The following ZNF689 variants were observed in gnomAD, a reference collection of about 807,000 sequenced individuals.
The protein encoded by ZNF689 is short ORF-encoded histone-binding protein.
Under a neutral mutation model 37.2 loss-of-function variants are expected in ZNF689, and 14 were observed. The observed-to-expected ratio is 0.38, with a 90% CI of 0.25 to 0.59. The LOEUF is 0.59. Among genes scored for constraint, ZNF689 ranks in the 20% least tolerant of loss-of-function variants. The pLI is 0.68. For synonymous variants in ZNF689, 277 were observed against 283.3 expected, an observed-to-expected ratio of 0.98 and a Z score of 0.22; for missense variants, 573 against 700.2, an observed-to-expected ratio of 0.82 and a Z score of 2.05.
chr16:30,607,446 C>T (rs1407473329), intron 2 of ZNF689, among the ~76,000 whole-genome samples: 2 of 150,590 alleles, frequency 1.3e-5, no homozygotes, highest in Non-Finnish European at 3.0e-5. Context: ...CAAAAATTAG[C>T]CGTGCATGCT....
At chr16:30,606,861 T>C (rs1215086541) in intron 2 of ZNF689, among the ~76,000 whole-genome samples, 2 of 152,180 alleles carry the variant, frequency 1.3e-5, no homozygotes, top group African/African-American at 2.4e-5. Flanking sequence ...TTTCACTTAA[T>C]ATATTCTAAA....
At chr16:30,606,032 C>T (rs192929092) in intron 2 of ZNF689, among the ~76,000 whole-genome samples, 2 of 152,112 alleles carry the variant, frequency 1.3e-5, no homozygotes, top group Non-Finnish European at 2.9e-5. Context: ...GGCATGGTTG[C>T]TCATGCCTGT....
chr16:30,607,143 A>G (rs2052043513), intron 2 of ZNF689, among the ~76,000 whole-genome samples: 1 of 147,722 alleles, frequency 6.8e-6, no homozygotes, highest in Non-Finnish European at 1.5e-5. Context: ...CCAGCTACCC[A>G]GAGGCTGAGG....
chr16:30,610,686 C>G (rs1329852950), upstream of ZNF689: 1 of 152,378 alleles, frequency 6.6e-6, no homozygotes, highest in African/African-American at 2.4e-5. Flanking sequence ...GATGGAGCCA[C>G]TCTGGCCGAG....
In ZNF689 at chr16:30,604,471, G is replaced by T. The variant is rs779691783; in HGVS notation, c.1296C>A (p.Asp432Glu). ...ACTGAGCAAAACGCTTGGAGCAAAGGTCGCAGGCATAGGGCCGCTCGCCCG... is the reference window on the plus strand; with the variant it reads ...ACTGAGCAAAACGCTTGGAGCAAAGTTCGCAGGCATAGGGCCGCTCGCCCG... Reference protein sequence around the residue: ...VHSGERPYACDLCSKRFAQWS... With the variant: ...VHSGERPYACELCSKRFAQWS... Residue 432 changes from aspartate to glutamate, a missense_variant, in exon 3 of 3, where the codon GAC becomes GAA. This residue lies in a region of ZNF689 where 317 missense variants were observed against 367.1 expected (regional missense o/e 0.86). Transcript: ENST00000287461. This position sits in a 1 kb window ranked among gnomAD's most constrained non-coding sequence, Gnocchi z 5.2. 6.2e-7 allele frequency: 1 copy of T among 1,609,348 alleles called. No homozygotes were observed. The highest frequency in any genetic ancestry group is 1.1e-5 in the South Asian group (1 of 90,528).
rs2052024696 is a variant in ZNF689 at position 30,605,252 on chromosome 16, T to C, written c.515A>G (p.Asn172Ser). Reference sequence around the variant, plus strand: ...TGGGCAAGGGTAAGGCTTTTTTAGATTCTGGGCGCACTTGTGGCTCTCCAG... The same window carrying C: ...TGGGCAAGGGTAAGGCTTTTTTAGACTCTGGGCGCACTTGTGGCTCTCCAG... ...QALESHKCAQ[N>S]LKKPYPCPDC... is the part of the protein sequence containing the mutation. Residue 172 changes from asparagine to serine, a missense_variant, in exon 3 of 3, where the codon AAT becomes AGT. Coordinates refer to ENST00000287461, the MANE Select transcript of ZNF689 (RefSeq NM_138447.3). The surrounding 1 kb of genome is among the most constrained non-coding windows in gnomAD (Gnocchi z 5.1). 1 of 1,612,054 alleles carries C rather than the reference T, an allele frequency of 6.2e-7. No homozygotes were observed. Among genetic ancestry groups the C allele is most frequent in the African/African-American group, 1.3e-5 (1 of 74,920 alleles).
In ZNF689 at chr16:30,609,979, T is replaced by C; in HGVS notation, c.63A>G (p.Lys21=). 6 of 1,611,438 alleles carry C rather than the reference T, an allele frequency of 3.7e-6. No individual in the cohort carries two copies. Among genetic ancestry groups the C allele is most frequent in the Non-Finnish European group, 5.1e-6 (6 of 1,179,286 alleles). ...TCAGAGCCCTCGGCCTCCTGCCCCT[T>C]TTCCGACTGGGTCTGGCCTTTCCTG... ...QGPGKARPSR[K]RGRRPRALKF... is the part of the protein sequence containing the mutation. Residue 21 remains lysine, a synonymous_variant, in exon 1 of 3, where the codon AAA becomes AAG. Coordinates refer to ENST00000287461, the MANE Select transcript of ZNF689 (RefSeq NM_138447.3).
chr16:30,604,989 G>A lies in ZNF689; in HGVS notation c.778C>T (p.Pro260Ser). The A allele has an allele frequency of 6.3e-7, 1 of 1,598,754 alleles. No homozygotes were observed. Among genetic ancestry groups the A allele is most frequent in the Non-Finnish European group, 8.5e-7 (1 of 1,171,248 alleles). Residue 260 changes from proline (P) to serine (S), a missense_variant, in exon 3 of 3, where the codon CCC (proline) becomes TCC (serine). This residue lies in a region of ZNF689 where 317 missense variants were observed against 367.1 expected (regional missense o/e 0.86). Coordinates refer to ENST00000287461, the MANE Select transcript of ZNF689 (RefSeq NM_138447.3). The surrounding 1 kb of genome is among the most constrained non-coding windows in gnomAD (Gnocchi z 5.2). The part of the protein sequence containing the change: ...NHRTTHTGEK[P>S]HQCPSCGRRF... ...CGTCCACAGCTAGGGCACTGGTGGG[G>A]TTTTTCACCTGTGTGTGTGGTCCGG...
At position 30,604,925 on chromosome 16, in the gene ZNF689, C is replaced by G; in HGVS notation, c.842G>C (p.Arg281Pro). 6.3e-7 allele frequency: 1 copy of G among 1,574,946 alleles called. No homozygotes were observed. ...GTAGGGCTTCTCTCCCGTGTGTGTA[C>G]GCTGGTGGATGGCTAGCAGGGAGGG... The part of the protein sequence containing the change: ...AYPSLLAIHQ[R>P]THTGEKPYTC... Residue 281 changes from arginine to proline, a missense_variant, in exon 3 of 3, where the codon CGT becomes CCT. Around this residue, in one of 3 missense-constraint regions of ZNF689, gnomAD observed 317 missense variants for 367.1 expected, o/e 0.86. Coordinates refer to ENST00000287461, the MANE Select transcript of ZNF689 (RefSeq NM_138447.3). The surrounding 1 kb of genome is among the most constrained non-coding windows in gnomAD (Gnocchi z 5.2).
rs534407302 is a variant in ZNF689, at chr16:30,605,411, A to G, written c.356T>C (p.Val119Ala). The G allele has an allele frequency of 1.2e-6, 2 of 1,613,386 alleles. No individual in the cohort carries two copies. The highest frequency in any genetic ancestry group is 4.5e-5 in the East Asian group (2 of 44,888). ...TCGGGGTGCCTCCTTAGGCGGGAAT[A>G]CTTCCTTCTCCCCATTCTTCTTTCT... is the stretch of plus-strand genomic sequence containing the variant. ...RTRKKNGEKE[V>A]FPPKEAPRKG... Residue 119 changes from valine (V) to alanine (A), a missense_variant, in exon 3 of 3, where the codon GTA (valine) becomes GCA (alanine). Around this residue, in one of 3 missense-constraint regions of ZNF689, gnomAD observed 252 missense variants for 313.3 expected, o/e 0.80. Coordinates refer to ENST00000287461, the MANE Select transcript of ZNF689 (RefSeq NM_138447.3). The surrounding 1 kb of genome is among the most constrained non-coding windows in gnomAD (Gnocchi z 5.1).
rs2051989060 is a variant in ZNF689 at position 30,602,715 on chromosome 16, C to G, written c.*1549G>C. The G allele has an allele frequency of 1.3e-5, 2 of 152,196 alleles. No individual in the cohort carries two copies. 9.4% of individuals were successfully genotyped at this position (152,196 alleles called of 1,614,324 possible). ...ATAAAGCTGTGTTCCCCCAGCTGCT[C>G]CCCTGCTTGTGCTGAGATCAGGAGA... is the stretch of plus-strand genomic sequence containing the variant. On this transcript the variant is annotated 3_prime_UTR_variant, in exon 3 of 3. Coordinates refer to ENST00000287461, the MANE Select transcript of ZNF689 (RefSeq NM_138447.3).
rs908406400 is a variant in ZNF689, at chr16:30,604,323, G to C, written c.1444C>G (p.Pro482Ala). 1 of 1,614,002 alleles carries C rather than the reference G, an allele frequency of 6.2e-7. No homozygotes were observed. Residue 482 changes from proline (P) to alanine (A), a missense_variant, in exon 3 of 3, where the codon CCA becomes GCA. Physicochemically the swap from Pro to Ala is conservative, Grantham distance 27. Coordinates refer to ENST00000287461, the MANE Select transcript of ZNF689 (RefSeq NM_138447.3). The surrounding 1 kb of genome is among the most constrained non-coding windows in gnomAD (Gnocchi z 5.2). The part of the protein sequence containing the change: ...LAVHKCSPKA[P>A]NCSPRSAIGG... Reference sequence around the variant, plus strand: ...ATAGCAGATCTAGGGCTACAGTTTGGGGCCTTGGGGCTACACTTGTGGACA... The same window carrying C: ...ATAGCAGATCTAGGGCTACAGTTTGCGGCCTTGGGGCTACACTTGTGGACA...
At position 30,605,390 on chromosome 16, in the gene ZNF689, G is replaced by A; in HGVS notation, c.377C>T (p.Pro126Leu). 6.2e-7 allele frequency: 1 copy of A among 1,613,988 alleles called. No individual in the cohort carries two copies. The highest frequency in any genetic ancestry group is 8.5e-7 in the Non-Finnish European group (1 of 1,179,952). Residue 126 changes from proline (P) to leucine (L), a missense_variant, in exon 3 of 3, where the codon CCC becomes CTC. Pro to Leu is a moderately conservative substitution (Grantham distance 98). Transcript: ENST00000287461. This position sits in a 1 kb window ranked among gnomAD's most constrained non-coding sequence, Gnocchi z 5.1. ...EKEVFPPKEA[P>L]RKGKRGRRPS... is the part of the protein sequence containing the mutation. The stretch of plus-strand genomic sequence containing the variant: ...CCTCCGGCCTCGCTTCCCCTTTCGG[G>A]GTGCCTCCTTAGGCGGGAATACTTC...
intron 2 of ZNF689, among the ~76,000 whole-genome samples, chr16:30,608,992 G>C (rs535671924): frequency 6.6e-6 from 1 of 152,176 alleles, no homozygotes. Flanking sequence ...AGAGCAGAAA[G>C]AGGCCCCTGC....
At chr16:30,606,791 C>T (rs964816302) in intron 2 of ZNF689, among the ~76,000 whole-genome samples, 2 of 152,124 alleles carry the variant, frequency 1.3e-5, no homozygotes, top group Non-Finnish European at 2.9e-5. Flanking sequence ...GCCACCATGC[C>T]CAGCTCACCT....
At chr16:30,610,530 G>A (rs1185709711), upstream of ZNF689, 1 of 165,934 alleles carries the variant, frequency 6.0e-6, no homozygotes, top group Admixed American at 5.7e-5. Context: ...ATAAGGGCAG[G>A]AAGCTGGACT....
At position 30,609,613 on chromosome 16, in the gene ZNF689, G is replaced by A. The variant is rs1182921533; in HGVS notation, c.231C>T (p.Leu77=). 6 of 1,614,076 alleles carry A rather than the reference G, an allele frequency of 3.7e-6. No homozygotes were observed. Among genetic ancestry groups the A allele is most frequent in the Non-Finnish European group, 5.1e-6 (6 of 1,180,010 alleles). ...CGGTGTTTCGTTCCAACCAGGAGAT[G>A]AGGGCTGGTTTGGGACCTGCGCACC... ...ALGCAGPKPA[L]ISWLERNTDD... The change falls in exon 2 of 3, where the codon CTC becomes CTT. Residue 77 remains leucine, a synonymous_variant. Transcript: ENST00000287461.
At chr16:30,607,600 AAAG>A (rs1328004034) in intron 2 of ZNF689, among the ~76,000 whole-genome samples, 2 of 151,990 alleles carry the variant, frequency 1.3e-5, no homozygotes, top group East Asian at 1.9e-4. Flanking sequence ...CAAAAAAAAA[AAAG>A]AAAAGAAACA....
chr16:30,610,588 C>T (rs2052088258), upstream of ZNF689: 2 of 153,658 alleles, frequency 1.3e-5, no homozygotes, highest in Non-Finnish European at 2.9e-5. Flanking sequence ...TTGCACCGAC[C>T]TGGGGGCAGC....
Sources: allele counts gnomAD v4.1 joint callset (sites outside exome capture counted in the v4.1 genomes callset), GRCh38; gene constraint gnomAD v4.1.1; regional missense constraint gnomAD v4.1.1; non-coding constraint Gnocchi (gnomAD v3.1); transcripts MANE v1.5; gene names NCBI Gene and HGNC (gene_info 2026-07-23, HGNC 2026-07-21).